Variants in TPST1 observed in about 807,000 individuals in gnomAD.
TPST1 encodes the protein protein-tyrosine sulfotransferase 1.
In TPST1, 20 loss-of-function variants were observed where a neutral mutation model predicts 34.8. That is an observed-to-expected ratio of 0.57 (90% CI 0.40 to 0.84). TPST1 has a LOEUF of 0.84. TPST1 is among the 40% of genes least tolerant of loss of function. TPST1 has a pLI of 0.00. For synonymous variants in TPST1, 152 were observed against 159.4 expected, an observed-to-expected ratio of 0.95 and a Z score of 0.35; for missense variants, 353 against 455.5, an observed-to-expected ratio of 0.78 and a Z score of 2.05.
At chr7:66,233,515 C>T (rs912168430) in intron 1 of TPST1, among the ~76,000 whole-genome samples, 1 of 152,216 alleles carries the variant, frequency 6.6e-6, no homozygotes, top group Non-Finnish European at 1.5e-5. Context: ...TTCCCATAAA[C>T]ATCGTATTTC....
intron 3 of TPST1, among the ~76,000 whole-genome samples, chr7:66,327,232 A>G (rs904600562): frequency 1.3e-5 from 2 of 152,228 alleles, no homozygotes; most frequent in Non-Finnish European, 2.9e-5. Context: ...GCATAAACCA[A>G]TGATGAAAGT....
intron 1 of TPST1, among the ~76,000 whole-genome samples, chr7:66,206,134 T>C: frequency 6.6e-6 from 1 of 151,158 alleles, no homozygotes; most frequent in East Asian, 1.9e-4. Context: ...TTTTTTTTTT[T>C]TTTTTTTTGA....
intron 3 of TPST1, among the ~76,000 whole-genome samples, chr7:66,324,881 A>T (rs969656919): frequency 6.6e-6 from 1 of 151,828 alleles, no homozygotes; most frequent in Admixed American, 6.6e-5. Flanking sequence ...ATGTTCTTCC[A>T]GGCAAAAAAA....
At chr7:66,273,180 C>T (rs1381394571) in intron 2 of TPST1, among the ~76,000 whole-genome samples, 2 of 151,980 alleles carry the variant, frequency 1.3e-5, no homozygotes, top group Non-Finnish European at 2.9e-5. Flanking sequence ...ATCTCATTCA[C>T]AATAGCTACC....
chr7:66,281,821 TG>T (rs1161930615), intron 2 of TPST1, among the ~76,000 whole-genome samples: 1 of 152,218 alleles, frequency 6.6e-6, no homozygotes, highest in African/African-American at 2.4e-5. Context: ...CTGGCTGTAG[TG>T]TTTAACTGAG....
At chr7:66,239,039 T>C (rs1006630130) in intron 1 of TPST1, among the ~76,000 whole-genome samples, 10 of 152,272 alleles carry the variant, frequency 6.6e-5, no homozygotes, top group African/African-American at 1.9e-4. Context: ...CAATTTTGTT[T>C]GCAGCCTATA....
chr7:66,359,872 C>T, intron 5 of TPST1, 23 bp from the exon 6 acceptor site: 1 of 456,682 alleles, frequency 2.2e-6, no homozygotes, highest in African/African-American at 2.0e-5. Flanking sequence ...CACCTGTAAC[C>T]ACATTCTGTT....
intron 3 of TPST1, among the ~76,000 whole-genome samples, chr7:66,322,310 A>C (rs190052554): frequency 5.3e-4 from 80 of 149,984 alleles, no homozygotes; most frequent in African/African-American, 1.8e-3. Flanking sequence ...AGTGTTAAAC[A>C]TATTTACAGT....
intron 1 of TPST1, among the ~76,000 whole-genome samples, chr7:66,227,856 T>G (rs550929746): frequency 6.6e-6 from 1 of 152,244 alleles, no homozygotes; most frequent in African/African-American, 2.4e-5. Context: ...TAAAATTTAG[T>G]TTAAGAAAAC....
chr7:66,234,308 C>T (rs939440042), intron 1 of TPST1, among the ~76,000 whole-genome samples: 1 of 151,776 alleles, frequency 6.6e-6, no homozygotes, highest in Non-Finnish European at 1.5e-5. Flanking sequence ...AAAGACTGTT[C>T]TTTTTATTTT....
intron 2 of TPST1, among the ~76,000 whole-genome samples, chr7:66,270,654 G>A (rs1414814081): frequency 2.0e-5 from 3 of 152,130 alleles, no homozygotes; most frequent in Non-Finnish European, 4.4e-5. Context: ...AGCCTGTAAA[G>A]TTATTCACAA....
At position 66,286,678 on chromosome 7, in the gene TPST1, C is replaced by G; in HGVS notation, c.1013C>G (p.Pro338Arg). The G allele has an allele frequency of 6.3e-7, 1 of 1,583,190 alleles. No individual in the cohort carries two copies. The highest frequency in any genetic ancestry group is 8.6e-7 in the Non-Finnish European group (1 of 1,163,128). The change falls in exon 3 of 6, where the codon CCT (proline) becomes CGT (arginine). Residue 338 changes from proline to arginine, a missense_variant. Physicochemically the swap from Pro to Arg is moderately radical, Grantham distance 103. Coordinates refer to ENST00000304842, the MANE Select transcript of TPST1 (RefSeq NM_003596.4). ...PYANPPNYGK[P>R]DPKIIENTRR... ...GCCAACCCACCTAACTACGGAAAAC[C>G]TGATCCCAAAATTATTGAAAACACT... is the stretch of plus-strand genomic sequence containing the variant.
intron 1 of TPST1, among the ~76,000 whole-genome samples, chr7:66,231,136 A>G (rs1053231790): frequency 6.6e-6 from 1 of 152,024 alleles, no homozygotes; most frequent in African/African-American, 2.4e-5. Flanking sequence ...CAGAGTGTCG[A>G]TTGGTGCACT....
intron 2 of TPST1, among the ~76,000 whole-genome samples, chr7:66,280,873 G>A (rs1215920650): frequency 6.6e-6 from 1 of 152,166 alleles, no homozygotes; most frequent in Non-Finnish European, 1.5e-5. Context: ...ATCAAATAAA[G>A]ATTGTTTAAT....
intron 3 of TPST1, among the ~76,000 whole-genome samples, chr7:66,325,299 G>A (rs371161662): frequency 1.4e-4 from 22 of 152,212 alleles, no homozygotes; most frequent in African/African-American, 4.3e-4. Context: ...CCCTTGACAC[G>A]TGGGGATTAT....
At chr7:66,253,890 A>G (rs1030446487) in intron 2 of TPST1, among the ~76,000 whole-genome samples, 8 of 151,194 alleles carry the variant, frequency 5.3e-5, no homozygotes, top group Admixed American at 4.0e-4. Flanking sequence ...AATAAAAATT[A>G]GCTGGGCATG....
intron 5 of TPST1, among the ~76,000 whole-genome samples, chr7:66,358,709 TA>T (rs1031103326): frequency 1.3e-5 from 2 of 152,192 alleles, no homozygotes; most frequent in African/African-American, 4.8e-5. Context: ...TGCTGAATGT[TA>T]GTCTTATGCC....
chr7:66,213,976 C>G (rs1378215426), intron 1 of TPST1, among the ~76,000 whole-genome samples: 1 of 152,124 alleles, frequency 6.6e-6, no homozygotes. Context: ...TGAGAAGGAG[C>G]ATGTAGCTCC....
chr7:66,224,213 T>C (rs2116305658), intron 1 of TPST1, among the ~76,000 whole-genome samples: 1 of 152,362 alleles, frequency 6.6e-6, no homozygotes, highest in East Asian at 1.9e-4. Flanking sequence ...TTGAAGTCTG[T>C]ACTGCATGGC....
Sources: allele counts gnomAD v4.1 joint callset (sites outside exome capture counted in the v4.1 genomes callset), GRCh38; gene constraint gnomAD v4.1.1; transcripts MANE v1.5; gene names NCBI Gene and HGNC (gene_info 2026-07-23, HGNC 2026-07-21).